PATJ: variants seen among roughly 807,000 people sequenced by gnomAD.
PATJ encodes the protein PATJ crumbs cell polarity complex component, also known as inaD-like protein.
A neutral mutation model predicts 224.9 loss-of-function variants in PATJ; 190 were observed. That is an observed-to-expected ratio of 0.84 (90% CI 0.75 to 0.95). The LOEUF is 0.95. Among genes scored for constraint, PATJ ranks in the 40% least tolerant of loss-of-function variants. The probability of loss-of-function intolerance (pLI) is 0.00; values close to 1 mark genes in which losing one functional copy is unlikely to be tolerated. For missense variants in PATJ, 2,121 were observed against 2,270.3 expected (o/e 0.93, Z 1.34); for synonymous variants, 769 against 820.3 (o/e 0.94, Z 1.07).
At chr1:62,128,302 T>G in intron 40 of PATJ, 1 of 512,792 alleles carries the variant, frequency 2.0e-6, no homozygotes, top group Non-Finnish European at 3.4e-6. Context: ...TCAAAGCTTC[T>G]CCATAAAAGA....
rs1364958945 is a variant in PATJ, at chr1:62,151,893, T to G, written c.5379-1465T>G. Among the ~76,000 whole-genome samples the G allele has an allele frequency of 2.0e-5, 3 of 152,238 alleles. No homozygotes were observed. In the East Asian group the frequency reaches 5.8e-4, roughly 29 times the overall value. On this transcript the variant is annotated intron_variant, in intron 42 of 43. Transcript: ENST00000642238. ...AAATTGGCATCACCTAAACTTAGAT[T>G]AAGATTAAATTACTGGGAGCCCACA...
intron 15 of PATJ, among the ~76,000 whole-genome samples, chr1:61,824,164 T>C (rs1047402437): frequency 7.2e-5 from 11 of 152,176 alleles, no homozygotes; most frequent in African/African-American, 2.4e-4. Flanking sequence ...TATGTAGTTA[T>C]TACGTATTGA....
At position 61,884,405 on chromosome 1, in the gene PATJ, C is replaced by A. The variant is rs540313737; in HGVS notation, c.3128C>A (p.Thr1043Lys). ...TTGTCTTCTAGATATGCCACTGATA[C>A]ATGGTATGATATCATTTCTCTTTGT... ...GMLSSRYATD[T>K]CELPEREEGE... The change falls in exon 22 of 44, where the codon ACA becomes AAA. Residue 1043 changes from threonine to lysine, a missense_variant. Transcript: ENST00000642238. The A allele has an allele frequency of 4.6e-6, 7 of 1,514,538 alleles. No individual in the cohort carries two copies. In the Middle Eastern group the frequency reaches 8.8e-4, roughly 191 times the overall value. The allele number at this position is 1,514,538 out of a possible 1,614,324, so 93.8% of individuals were successfully genotyped here.
chr1:61,979,260 A>G (rs1023808478), intron 27 of PATJ, among the ~76,000 whole-genome samples: 1 of 152,060 alleles, frequency 6.6e-6, no homozygotes, highest in African/African-American at 2.4e-5. Flanking sequence ...TATTTGAAAA[A>G]AGAACTACAG....
chr1:61,964,101 C>T (rs1287642182), intron 27 of PATJ, among the ~76,000 whole-genome samples: 1 of 142,484 alleles, frequency 7.0e-6, no homozygotes, highest in Non-Finnish European at 1.5e-5. Flanking sequence ...TCCCTTCCTT[C>T]CTTCCTTCCT....
intron 17 of PATJ, among the ~76,000 whole-genome samples, chr1:61,847,475 T>C (rs1041217695): frequency 5.9e-5 from 9 of 152,190 alleles, no homozygotes; most frequent in Admixed American, 2.0e-4. Flanking sequence ...TAGGAAGTAA[T>C]AAGACACAAG....
chr1:61,844,791 A>G (rs1428319690), intron 17 of PATJ, among the ~76,000 whole-genome samples: 1 of 152,026 alleles, frequency 6.6e-6, no homozygotes, highest in East Asian at 1.9e-4. Context: ...ATAATGAGTG[A>G]GTTCTCACAA....
chr1:61,852,439 T>C (rs1662979237), intron 17 of PATJ: 1 of 152,110 alleles, frequency 6.6e-6, no homozygotes, highest in African/African-American at 2.4e-5. Context: ...TAAAAACTGA[T>C]GGGGATTTTG....
At chr1:61,829,790 A>C (rs919271311) in intron 16 of PATJ, among the ~76,000 whole-genome samples, 31 of 152,286 alleles carry the variant, frequency 2.0e-4, no homozygotes, top group African/African-American at 7.5e-4. Context: ...CTGGTTAGGC[A>C]GCTTAGCCAA....
chr1:61,781,798 TAC>T (rs1345239843), intron 7 of PATJ, among the ~76,000 whole-genome samples: 10 of 152,206 alleles, frequency 6.6e-5, no homozygotes, highest in Middle Eastern at 3.2e-3. Flanking sequence ...CTATATTTAT[TAC>T]AGTGAAAGAA....
intron 40 of PATJ, chr1:62,128,543 AC>A (rs1665953879): frequency 5.4e-6 from 2 of 372,522 alleles, no homozygotes; most frequent in South Asian, 8.2e-5. Context: ...GTTGATGTGT[AC>A]ACTTCGCTTT....
chr1:61,943,508 G>A (rs947477673), intron 27 of PATJ, among the ~76,000 whole-genome samples: 3 of 152,162 alleles, frequency 2.0e-5, no homozygotes, highest in East Asian at 1.9e-4. Flanking sequence ...GTCTGAGATC[G>A]AACTGCGAGG....
chr1:61,993,902 G>C (rs896485079), intron 28 of PATJ, among the ~76,000 whole-genome samples: 1 of 152,012 alleles, frequency 6.6e-6, no homozygotes, highest in African/African-American at 2.4e-5. Context: ...TTGCTTTATT[G>C]GACTCCTCCT....
chr1:61,870,196 A>G (rs1415813002), intron 20 of PATJ, among the ~76,000 whole-genome samples: 7 of 152,184 alleles, frequency 4.6e-5, no homozygotes, highest in Admixed American at 4.6e-4. Flanking sequence ...TTTATTGCCA[A>G]TAAAGTGGCT....
At chr1:62,085,631 T>C (rs1659864957) in intron 33 of PATJ, among the ~76,000 whole-genome samples, 1 of 151,834 alleles carries the variant, frequency 6.6e-6, no homozygotes, top group Admixed American at 6.6e-5. Flanking sequence ...CTGGGCAACA[T>C]AGCAAGACCT....
intron 17 of PATJ, among the ~76,000 whole-genome samples, chr1:61,849,365 G>T (rs1479987393): frequency 6.6e-6 from 1 of 152,190 alleles, no homozygotes; most frequent in Admixed American, 6.5e-5. Context: ...GGAGGCTGAG[G>T]TGGGAGGATC....
intron 14 of PATJ, among the ~76,000 whole-genome samples, chr1:61,811,177 A>G (rs1300438186): frequency 2.0e-5 from 3 of 152,188 alleles, no homozygotes; most frequent in African/African-American, 7.2e-5. Context: ...CCTGCCTCAT[A>G]GATTTATATA....
intron 27 of PATJ, among the ~76,000 whole-genome samples, chr1:61,989,681 G>C (rs558417017): frequency 6.6e-6 from 1 of 152,170 alleles, no homozygotes; most frequent in East Asian, 1.9e-4. Context: ...AGATAGGAAG[G>C]GGACCATGGT....
In PATJ at chr1:62,003,165, C is replaced by T. The variant is rs113833752; in HGVS notation, c.3867+12801C>T. Among the ~76,000 whole-genome samples, 155 of 152,278 alleles carry T rather than the reference C, an allele frequency of 1.0e-3. 2 individuals carry two copies. The highest frequency in any genetic ancestry group is 3.5e-3 in the African/African-American group (145 of 41,564). The stretch of plus-strand genomic sequence containing the variant: ...ATTTATTCTTTCCTTTGCCATGCAG[C>T]TAATGGGAAATTACCTATAGTCACC... On this transcript the variant is annotated intron_variant, in intron 28 of 43. Coordinates refer to ENST00000642238, the MANE Select transcript of PATJ (RefSeq NM_001350145.3).
Sources: gnomAD v4.1 joint callset for allele counts (sites outside exome capture counted in the v4.1 genomes callset) on GRCh38, gnomAD v4.1.1 for gene constraint, MANE v1.5 for transcripts, NCBI Gene and HGNC (gene_info 2026-07-23, HGNC 2026-07-21) for gene names.